PSPH: variants seen among roughly 807,000 people sequenced by gnomAD.
PSPH encodes the protein L-3-phosphoserine phosphatase.
In PSPH, 16 loss-of-function variants were observed where a neutral mutation model predicts 23.4. That is an observed-to-expected ratio of 0.68 (90% CI 0.46 to 1.04). The LOEUF (loss-of-function observed/expected upper bound fraction) is 1.04, where lower values mean the gene tolerates loss of function less well. PSPH is among the 50% of genes least tolerant of loss of function. The probability of loss-of-function intolerance (pLI) is 0.00; values close to 1 mark genes in which losing one functional copy is unlikely to be tolerated. For synonymous variants in PSPH, 68 were observed against 99.7 expected (o/e 0.68, Z 1.89); for missense variants, 223 against 273.7 (o/e 0.81, Z 1.31).
intron 1 of PSPH, among the ~76,000 whole-genome samples, chr7:56,040,228 A>G (rs1792330462): frequency 6.6e-6 from 1 of 152,170 alleles, no homozygotes. Context: ...TATGCCCATG[A>G]TATGTTCACA....
intron 1 of PSPH, among the ~76,000 whole-genome samples, chr7:56,045,050 CA>C (rs1206417934): frequency 7.5e-5 from 9 of 119,842 alleles, no homozygotes; most frequent in South Asian, 2.6e-4. Flanking sequence ...CCAGCCTGGG[CA>C]ACAAGAGTGA....
intron 1 of PSPH, among the ~76,000 whole-genome samples, chr7:56,037,396 A>G (rs1584480243): frequency 6.6e-6 from 1 of 151,930 alleles, no homozygotes. Flanking sequence ...AGGTCATACT[A>G]CTGTTCCGGA....
intron 1 of PSPH, among the ~76,000 whole-genome samples, chr7:56,038,093 T>C (rs1791969866): frequency 6.6e-6 from 1 of 151,926 alleles, no homozygotes; most frequent in East Asian, 1.9e-4. Flanking sequence ...TTCTAAAGTA[T>C]AGTAAATTGG....
intron 3 of PSPH, 50 bp from the exon 4 acceptor site, chr7:56,021,281 A>C (rs776755760): frequency 1.9e-6 from 3 of 1,545,338 alleles, no homozygotes; most frequent in Admixed American, 3.7e-5. Context: ...AAAATTATGA[A>C]AAGATCCCAC....
At chr7:56,037,613 T>C (rs143657845) in intron 1 of PSPH, among the ~76,000 whole-genome samples, 2 of 152,180 alleles carry the variant, frequency 1.3e-5, no homozygotes, top group East Asian at 1.9e-4. Context: ...CTGGGTCTCA[T>C]TGGTCTCCAA....
At chr7:56,021,267 A>C (rs1208978100) in intron 3 of PSPH, 36 bp from the exon 4 acceptor site, 1 of 1,578,464 alleles carries the variant, frequency 6.3e-7, no homozygotes, top group Non-Finnish European at 8.7e-7. Flanking sequence ...TAAAGACATC[A>C]AATAAAATTA....
chr7:56,015,250 T>A, intron 6 of PSPH, 79 bp from the exon 7 acceptor site: 1 of 1,526,038 alleles, frequency 6.6e-7, no homozygotes, highest in Non-Finnish European at 9.1e-7. Context: ...AGATGATATC[T>A]TCACTTAAAT....
At chr7:56,017,151 C>G in intron 6 of PSPH, 83 bp downstream of exon 6, 1 of 1,577,878 alleles carries the variant, frequency 6.3e-7, no homozygotes, top group South Asian at 1.1e-5. Flanking sequence ...TGTGACTGTT[C>G]AAGTTGCATT....
chr7:56,032,720 G>A (rs1208364078), intron 2 of PSPH, among the ~76,000 whole-genome samples: 8 of 152,096 alleles, frequency 5.3e-5, no homozygotes, highest in African/African-American at 1.2e-4. Flanking sequence ...GGAGGCCGAG[G>A]AGGGAGGACT....
At chr7:56,021,279 G>A (rs1157402344) in intron 3 of PSPH, 48 bp from the exon 4 acceptor site, 9 of 1,548,946 alleles carry the variant, frequency 5.8e-6, no homozygotes, top group African/African-American at 1.4e-5. Flanking sequence ...ATAAAATTAT[G>A]AAAAGATCCC....
At chr7:56,015,224 T>A in intron 6 of PSPH, 53 bp from the exon 7 acceptor site, 1 of 1,595,038 alleles carries the variant, frequency 6.3e-7, no homozygotes, top group Non-Finnish European at 8.6e-7. Context: ...ATCTGACCAA[T>A]GCCAGCTTTC....
At chr7:56,039,795 T>TAA (rs1266091253) in intron 1 of PSPH, among the ~76,000 whole-genome samples, 17 of 107,804 alleles carry the variant, frequency 1.6e-4, no homozygotes, top group African/African-American at 4.8e-4. Flanking sequence ...AAAAAAAAAT[T>TAA]AAAAAAAAAA....
chr7:56,021,113 G>C lies in PSPH; in HGVS notation c.100C>G (p.Leu34Val). ...TCCTCAACGCCACAGATTTTGGCTA[G>C]CTCATCGATTCCTTCTTCTCTGATG... ...TVIREEGIDE[L>V]AKICGVEDAV... The change falls in exon 4 of 8, where the codon CTA becomes GTA. Residue 34 changes from leucine (L) to valine (V), a missense_variant. Transcript: ENST00000275605. 1 of 1,614,214 alleles carries C rather than the reference G, an allele frequency of 6.2e-7. No individual in the cohort carries two copies. Among genetic ancestry groups the C allele is most frequent in the Non-Finnish European group, 8.5e-7 (1 of 1,180,022 alleles).
chr7:56,046,844 T>C (rs1300428191), intron 1 of PSPH, among the ~76,000 whole-genome samples: 2 of 146,192 alleles, frequency 1.4e-5, no homozygotes, highest in Non-Finnish European at 3.0e-5. Context: ...CATCAGCCAC[T>C]ACACCCAGCT....
chr7:56,018,514 C>T (rs1265552613), intron 5 of PSPH, among the ~76,000 whole-genome samples: 1 of 152,106 alleles, frequency 6.6e-6, no homozygotes, highest in Non-Finnish European at 1.5e-5. Flanking sequence ...CAGGACCAGA[C>T]AACTGGCCAG....
intron 3 of PSPH, among the ~76,000 whole-genome samples, chr7:56,024,863 G>GCACAAT (rs1386208215): frequency 6.7e-6 from 1 of 149,190 alleles, no homozygotes; most frequent in Non-Finnish European, 1.5e-5. Context: ...GAGTGCAGTG[G>GCACAAT]CACAATCTTG....
chr7:56,048,290 G>GAAAAAAAAAAAA (rs34876866), intron 1 of PSPH, among the ~76,000 whole-genome samples: 1 of 130,142 alleles, frequency 7.7e-6, no homozygotes. Flanking sequence ...TAAAAAATTT[G>GAAAAAAAAAAAA]AAAAAAAAAA....
chr7:56,039,328 G>C (rs550569360), intron 1 of PSPH, among the ~76,000 whole-genome samples: 2 of 152,138 alleles, frequency 1.3e-5, no homozygotes, highest in South Asian at 4.2e-4. Context: ...CTGAAAGTAA[G>C]AAAGGAAATG....
intron 1 of PSPH, among the ~76,000 whole-genome samples, chr7:56,037,313 T>C (rs1389084081): frequency 6.6e-6 from 1 of 151,928 alleles, no homozygotes; most frequent in Non-Finnish European, 1.5e-5. Flanking sequence ...TACAGCATAA[T>C]GAAGGTGTAA....
Sources: allele counts gnomAD v4.1 joint callset (sites outside exome capture counted in the v4.1 genomes callset), GRCh38; gene constraint gnomAD v4.1.1; transcripts MANE v1.5; gene names NCBI Gene and HGNC (gene_info 2026-07-23, HGNC 2026-07-21).